Variants in CNTNAP2 observed in about 807,000 individuals in gnomAD.
CNTNAP2 encodes contactin-associated protein-like 2.
Under a neutral mutation model 155.2 loss-of-function variants are expected in CNTNAP2, and 98 were observed. The ratio of observed to expected loss-of-function variants is 0.63; its 90% CI spans 0.54 to 0.75. The LOEUF is 0.75. CNTNAP2 is among the 30% of genes least tolerant of loss of function. The pLI is 0.00. For synonymous variants in CNTNAP2, 651 were observed against 631.2 expected (o/e 1.03, Z -0.47); for missense variants, 1,727 against 1,688.1 (o/e 1.02, Z -0.40).
rs1167108781 is a variant in CNTNAP2, at chr7:148,022,698, TTTG to T, written c.2383+44712_2383+44714del. On this transcript the variant is annotated intron_variant, in intron 15 of 23. Coordinates refer to ENST00000361727, the MANE Select transcript of CNTNAP2 (RefSeq NM_014141.6). The stretch of plus-strand genomic sequence containing the variant: ...TTCGTGGAGTGTTTTAGTTTGCTTT[TTTG>T]TTTGTTTGGTTGGTTTTTTTTTGGA... 1.8e-3 allele frequency among the ~76,000 whole-genome samples: 161 copies of T among 90,796 alleles called. 1 individual carries two copies. The highest frequency in any genetic ancestry group is 8.3e-3 in the African/African-American group (157 of 18,834). 59.6% of individuals were successfully genotyped at this position (90,796 alleles called of 152,430 possible). A position where few individuals can be genotyped will look rare whatever the true frequency, so the allele number is the denominator to read the frequency against.
intron 13 of CNTNAP2, among the ~76,000 whole-genome samples, chr7:147,849,133 C>G (rs1798875039): frequency 6.6e-6 from 1 of 152,160 alleles, no homozygotes; most frequent in African/African-American, 2.4e-5. Flanking sequence ...CAGCAACATT[C>G]TGTTGCCATT....
At chr7:147,314,215 T>G (rs946770623) in intron 9 of CNTNAP2, among the ~76,000 whole-genome samples, 6 of 152,264 alleles carry the variant, frequency 3.9e-5, no homozygotes, top group East Asian at 1.9e-4. Flanking sequence ...GAAGTGTTTT[T>G]GGGGAAATTT....
chr7:146,557,448 C>T (rs1362934252), intron 1 of CNTNAP2, among the ~76,000 whole-genome samples: 1 of 151,960 alleles, frequency 6.6e-6, no homozygotes, highest in Non-Finnish European at 1.5e-5. Flanking sequence ...AAAAGTTGTG[C>T]CTTTATAATT....
At chr7:148,287,482 C>T (rs960205765) in intron 21 of CNTNAP2, among the ~76,000 whole-genome samples, 9 of 152,210 alleles carry the variant, frequency 5.9e-5, no homozygotes, top group African/African-American at 2.2e-4. Context: ...TTATTTCATG[C>T]CATGTGACCC....
chr7:146,185,378 T>C (rs1361408690), intron 1 of CNTNAP2, among the ~76,000 whole-genome samples: 1 of 152,108 alleles, frequency 6.6e-6, no homozygotes, highest in African/African-American at 2.4e-5. Flanking sequence ...CATCCTACCA[T>C]GGCAAAGTTG....
chr7:146,151,684 ATATATATATATATG>A (rs1562969078), intron 1 of CNTNAP2, among the ~76,000 whole-genome samples: 970 of 51,762 alleles, frequency 0.019, 15 homozygotes, highest in Non-Finnish European at 0.025. Flanking sequence ...ATATATATGT[ATATATATATATATG>A]TATATATATA....
chr7:147,213,187 G>A (rs1037412055), intron 8 of CNTNAP2, among the ~76,000 whole-genome samples: 1 of 152,112 alleles, frequency 6.6e-6, no homozygotes, highest in Admixed American at 6.6e-5. Context: ...CTAAGAATCA[G>A]GGAAGGCAAT....
At chr7:147,240,015 C>T (rs1484113458) in intron 8 of CNTNAP2, among the ~76,000 whole-genome samples, 3 of 152,146 alleles carry the variant, frequency 2.0e-5, no homozygotes, top group Non-Finnish European at 4.4e-5. Context: ...AAGTAGTGTA[C>T]ATTATTTCAT....
At chr7:147,188,653 GT>G (rs1333781688) in intron 8 of CNTNAP2, among the ~76,000 whole-genome samples, 1 of 152,176 alleles carries the variant, frequency 6.6e-6, no homozygotes, top group African/African-American at 2.4e-5. Flanking sequence ...GGAGGAAGTA[GT>G]TCAAGGTGCA....
chr7:147,537,259 C>G (rs1336881124), intron 11 of CNTNAP2, among the ~76,000 whole-genome samples: 1 of 147,880 alleles, frequency 6.8e-6, no homozygotes, highest in African/African-American at 2.5e-5. Context: ...TTTAAAAATG[C>G]AAATACACAG....
intron 1 of CNTNAP2, among the ~76,000 whole-genome samples, chr7:146,735,654 T>C (rs1280994645): frequency 2.8e-5 from 4 of 141,876 alleles, no homozygotes; most frequent in Admixed American, 1.3e-4. Flanking sequence ...GTATTACTTA[T>C]CTATGTTTAT....
rs1052248393 is a variant in CNTNAP2, at chr7:147,213,569, C to T, written c.1348+81060C>T. 1.0e-4 allele frequency among the ~76,000 whole-genome samples: 15 copies of T among 142,922 alleles called. No homozygotes were observed. The East Asian group carries it at 2.1e-3, about 20-fold the overall frequency. The allele number at this position is 142,922 out of a possible 152,430, so 93.8% of individuals were successfully genotyped here. The stretch of plus-strand genomic sequence containing the variant: ...CACTTCATCTCTTAAATGCCCTCAT[C>T]GCAAAAAAAAAAATAACATTGTATT... On this transcript the variant is annotated intron_variant, in intron 8 of 23. Coordinates refer to ENST00000361727, the MANE Select transcript of CNTNAP2 (RefSeq NM_014141.6).
At chr7:146,662,754 A>G (rs771875199) in intron 1 of CNTNAP2, among the ~76,000 whole-genome samples, 2 of 152,130 alleles carry the variant, frequency 1.3e-5, no homozygotes, top group Non-Finnish European at 2.9e-5. Flanking sequence ...ATTTAGGTCT[A>G]TGATTCATTT....
At chr7:146,454,379 G>C (rs764493619) in intron 1 of CNTNAP2, among the ~76,000 whole-genome samples, 1 of 152,016 alleles carries the variant, frequency 6.6e-6, no homozygotes, top group Non-Finnish European at 1.5e-5. Context: ...GTTTGTTTAC[G>C]CAGAAGCAAG....
At chr7:148,001,823 A>G (rs1299284293) in intron 15 of CNTNAP2, among the ~76,000 whole-genome samples, 1 of 150,524 alleles carries the variant, frequency 6.6e-6, no homozygotes, top group Non-Finnish European at 1.5e-5. Context: ...TTTCTGGTCT[A>G]TTTTTTTCAG....
intron 15 of CNTNAP2, among the ~76,000 whole-genome samples, chr7:148,115,812 CT>C (rs1804456240): frequency 6.6e-6 from 1 of 151,994 alleles, no homozygotes; most frequent in Non-Finnish European, 1.5e-5. Context: ...CTATTTTCTC[CT>C]ACTGAAATCT....
At chr7:146,999,285 A>AT (rs1798378133) in intron 3 of CNTNAP2, among the ~76,000 whole-genome samples, 1 of 150,210 alleles carries the variant, frequency 6.7e-6, no homozygotes. Context: ...AAATGTTTAC[A>AT]TTTTTACTCG....
chr7:147,478,705 A>G (rs1456488208), intron 10 of CNTNAP2, among the ~76,000 whole-genome samples: 1 of 152,206 alleles, frequency 6.6e-6, no homozygotes, highest in Admixed American at 6.5e-5. Context: ...CTTCATCCAG[A>G]CATTGCACAT....
chr7:148,321,464 G>A (rs895609127), intron 21 of CNTNAP2, among the ~76,000 whole-genome samples: 1 of 152,220 alleles, frequency 6.6e-6, no homozygotes, highest in East Asian at 1.9e-4. Context: ...CAAAGCAGAA[G>A]AAGACGGTTT....
Sources: gnomAD v4.1 joint callset for allele counts (sites outside exome capture counted in the v4.1 genomes callset) on GRCh38, gnomAD v4.1.1 for gene constraint, MANE v1.5 for transcripts, NCBI Gene and HGNC (gene_info 2026-07-23, HGNC 2026-07-21) for gene names.